Variants in CUL2 observed in about 807,000 individuals in gnomAD.
The protein encoded by CUL2 is cullin-2.
Under a neutral mutation model 110.2 loss-of-function variants are expected in CUL2, and 22 were observed. That is an observed-to-expected ratio of 0.20 (90% CI 0.14 to 0.28). The LOEUF (loss-of-function observed/expected upper bound fraction) is 0.28, where lower values mean the gene tolerates loss of function less well. Among genes scored for constraint, CUL2 ranks in the 10% least tolerant of loss-of-function variants. The pLI, the probability that CUL2 is intolerant of heterozygous loss-of-function variation, is 1.00. For synonymous variants in CUL2, 279 were observed against 293.2 expected (o/e 0.95, Z 0.49); for missense variants, 631 against 905.5 (o/e 0.70, Z 3.89).
Position 35,008,860 on chromosome 10 carries a change from A to AT in CUL2, c.*1450dup, listed in dbSNP as rs958133237. On this transcript the variant is annotated 3_prime_UTR_variant, in exon 21 of 21. Transcript: ENST00000374749. Reference sequence around the variant, plus strand: ...GTTAGGAGTAATAATATCACTGTGGATTTTTTAAAGGCCTTACTGAAGTAT... The same window carrying AT: ...GTTAGGAGTAATAATATCACTGTGGATTTTTTTAAAGGCCTTACTGAAGTAT... 55 of 152,118 alleles carry AT rather than the reference A, an allele frequency of 3.6e-4. 1 individual carries two copies. Among genetic ancestry groups the AT allele is most frequent in the Non-Finnish European group, 5.1e-4 (35 of 68,014 alleles). 9.4% of individuals were successfully genotyped at this position (152,118 alleles called of 1,614,324 possible).
chr10:35,029,905 T>C (rs1194816603), intron 14 of CUL2, among the ~76,000 whole-genome samples: 3 of 152,234 alleles, frequency 2.0e-5, no homozygotes, highest in Admixed American at 2.0e-4. Flanking sequence ...AAAACTTTTT[T>C]ATACATTCAT....
At chr10:35,115,344 G>A (rs1374443744) in intron 1 of CUL2, among the ~76,000 whole-genome samples, 2 of 150,374 alleles carry the variant, frequency 1.3e-5, no homozygotes, top group Admixed American at 6.6e-5. Flanking sequence ...GGCGGATAGC[G>A]AGGTTAGGAA....
At chr10:35,083,370 C>T (rs2086987735) in intron 1 of CUL2, among the ~76,000 whole-genome samples, 1 of 152,074 alleles carries the variant, frequency 6.6e-6, no homozygotes, top group Non-Finnish European at 1.5e-5. Context: ...TTTGTGTATG[C>T]ATGGTTGAAT....
At chr10:35,074,176 C>G (rs41276098) in intron 1 of CUL2, 1 of 1,534,858 alleles carries the variant, frequency 6.5e-7, no homozygotes, top group South Asian at 1.2e-5. Context: ...TTATCAAAGA[C>G]ACAAAAATAA....
chr10:35,113,746 A>G (rs2087553587), intron 1 of CUL2, among the ~76,000 whole-genome samples: 1 of 151,188 alleles, frequency 6.6e-6, no homozygotes, highest in Admixed American at 6.6e-5. Context: ...TCGCTCTGTC[A>G]CCCAGGCTGG....
At chr10:35,086,302 G>T (rs2087064395) in intron 1 of CUL2, among the ~76,000 whole-genome samples, 1 of 152,096 alleles carries the variant, frequency 6.6e-6, no homozygotes, top group Non-Finnish European at 1.5e-5. Flanking sequence ...TTCGAGACCA[G>T]CCTGGGCAAC....
chr10:35,125,728 G>T (rs919700427), intron 1 of CUL2, among the ~76,000 whole-genome samples: 1 of 152,226 alleles, frequency 6.6e-6, no homozygotes, highest in African/African-American at 2.4e-5. Flanking sequence ...TGGACCTGCT[G>T]TAAGTTGTTT....
chr10:35,059,921 T>C (rs1274360835), intron 4 of CUL2, among the ~76,000 whole-genome samples: 1 of 152,200 alleles, frequency 6.6e-6, no homozygotes, highest in African/African-American at 2.4e-5. Context: ...ACATATTAAA[T>C]AGGCTGCAAC....
intron 1 of CUL2, among the ~76,000 whole-genome samples, chr10:35,079,900 A>G (rs2086905685): frequency 6.6e-6 from 1 of 152,182 alleles, no homozygotes; most frequent in Non-Finnish European, 1.5e-5. Flanking sequence ...GATAATCAAG[A>G]CAGCTACTAA....
At chr10:35,022,843 G>A (rs533034149) in intron 17 of CUL2, among the ~76,000 whole-genome samples, 3 of 152,164 alleles carry the variant, frequency 2.0e-5, no homozygotes, top group African/African-American at 7.2e-5. Flanking sequence ...TCAGGCGTTC[G>A]AGACCAGCCT....
chr10:35,014,085 T>C (rs1166191555), intron 18 of CUL2, among the ~76,000 whole-genome samples: 1 of 152,240 alleles, frequency 6.6e-6, no homozygotes, highest in Non-Finnish European at 1.5e-5. Flanking sequence ...TACTTTTTGA[T>C]AAAATAAGAG....
At chr10:35,101,736 A>C (rs1456609059) in intron 1 of CUL2, among the ~76,000 whole-genome samples, 1 of 152,220 alleles carries the variant, frequency 6.6e-6, no homozygotes, top group Non-Finnish European at 1.5e-5. Context: ...TCCAGTATCA[A>C]AAGCATAATT....
intron 9 of CUL2, among the ~76,000 whole-genome samples, chr10:35,038,360 C>T (rs2085684132): frequency 6.6e-6 from 1 of 150,830 alleles, no homozygotes; most frequent in African/African-American, 2.4e-5. Context: ...CCTGTCTCTA[C>T]TAAAAGTACA....
At chr10:35,088,295 G>GTCAAGAGA (rs2087110147) in intron 1 of CUL2, among the ~76,000 whole-genome samples, 1 of 151,992 alleles carries the variant, frequency 6.6e-6, no homozygotes, top group Non-Finnish European at 1.5e-5. Flanking sequence ...GGATCATGAG[G>GTCAAGAGA]TCAAGAGATC....
intron 2 of CUL2, among the ~76,000 whole-genome samples, chr10:35,096,940 G>A (rs2087307701): frequency 6.6e-6 from 1 of 151,964 alleles, no homozygotes; most frequent in African/African-American, 2.4e-5. Flanking sequence ...TTCCCAAGTA[G>A]CTGGGATTAC....
At chr10:35,076,783 C>T (rs2086829488) in intron 1 of CUL2, among the ~76,000 whole-genome samples, 1 of 152,146 alleles carries the variant, frequency 6.6e-6, no homozygotes, top group Non-Finnish European at 1.5e-5. Context: ...GGCACGGTGG[C>T]TCACGCCTGT....
chr10:35,109,167 G>A (rs571145433), intron 1 of CUL2, among the ~76,000 whole-genome samples: 23 of 152,272 alleles, frequency 1.5e-4, no homozygotes, highest in African/African-American at 4.6e-4. Context: ...AGCCATGTTC[G>A]CACCTAGCAG....
chr10:35,044,052 A>G (rs530009625), intron 8 of CUL2, among the ~76,000 whole-genome samples: 283 of 54,290 alleles, frequency 5.2e-3, no homozygotes, highest in Non-Finnish European at 0.01. Flanking sequence ...CCACATCTCC[A>G]AAAAAAAAAA....
chr10:35,077,635 T>C (rs960519797), intron 1 of CUL2, among the ~76,000 whole-genome samples: 8 of 151,388 alleles, frequency 5.3e-5, no homozygotes, highest in African/African-American at 1.9e-4. Context: ...CTGACCAACA[T>C]GGAGAAACCC....
Sources: allele counts gnomAD v4.1 joint callset (sites outside exome capture counted in the v4.1 genomes callset), GRCh38; gene constraint gnomAD v4.1.1; transcripts MANE v1.5; gene names NCBI Gene and HGNC (gene_info 2026-07-23, HGNC 2026-07-21).